ASH1L: variants seen among roughly 807,000 people sequenced by gnomAD.
ASH1L encodes ASH1 like histone lysine methyltransferase.
Under a neutral mutation model 269.0 loss-of-function variants are expected in ASH1L, and 23 were observed. That is an observed-to-expected ratio of 0.09 (90% CI 0.06 to 0.12). The LOEUF is 0.12. Among genes scored for constraint, ASH1L ranks in the 10% least tolerant of loss-of-function variants. The probability of loss-of-function intolerance (pLI) is 1.00; values close to 1 mark genes in which losing one functional copy is unlikely to be tolerated. For synonymous variants in ASH1L, 1,187 were observed against 1,253.5 expected, an observed-to-expected ratio of 0.95 and a Z score of 1.12; for missense variants, 2,912 against 3,567.8, an observed-to-expected ratio of 0.82 and a Z score of 4.68.
intron 6 of ASH1L, among the ~76,000 whole-genome samples, chr1:155,411,769 T>C (rs918418510): frequency 6.6e-6 from 1 of 150,428 alleles, no homozygotes; most frequent in African/African-American, 2.4e-5. Context: ...GACTCTAATC[T>C]GATTCTGGGC....
At chr1:155,348,197 T>C (rs183449348) in intron 19 of ASH1L, among the ~76,000 whole-genome samples, 21 of 152,294 alleles carry the variant, frequency 1.4e-4, no homozygotes, top group Admixed American at 5.2e-4. Context: ...GAAATATGAA[T>C]TGATATCACA....
At chr1:155,371,262 A>C (rs1460865300) in intron 10 of ASH1L, among the ~76,000 whole-genome samples, 1 of 152,226 alleles carries the variant, frequency 6.6e-6, no homozygotes, top group Non-Finnish European at 1.5e-5. Context: ...TATTCCAAGA[A>C]TAAGGCTGGG....
At chr1:155,467,412 T>C (rs1461675972) in intron 3 of ASH1L, among the ~76,000 whole-genome samples, 2 of 152,238 alleles carry the variant, frequency 1.3e-5, no homozygotes, top group Non-Finnish European at 2.9e-5. Flanking sequence ...ATCAAGCTGA[T>C]TTTATAGCTG....
intron 3 of ASH1L, among the ~76,000 whole-genome samples, chr1:155,467,974 A>C (rs535767330): frequency 6.6e-5 from 10 of 152,268 alleles, no homozygotes; most frequent in African/African-American, 2.2e-4. Flanking sequence ...ACTACAGTAC[A>C]TTTGTCACAA....
chr1:155,447,728 A>C (rs1240290956), intron 4 of ASH1L, among the ~76,000 whole-genome samples: 1 of 152,150 alleles, frequency 6.6e-6, no homozygotes, highest in East Asian at 1.9e-4. Context: ...TTTTACCTAT[A>C]GAGTGGTTTG....
chr1:155,521,443 A>T lies in ASH1L; in HGVS notation c.77T>A (p.Ile26Asn). Residue 26 changes from isoleucine to asparagine, a missense_variant, in exon 2 of 28, where the codon ATC becomes AAC. Ile to Asn is a moderately radical substitution (Grantham distance 149). Around this residue, in one of 13 missense-constraint regions of ASH1L, gnomAD observed 115 missense variants for 101.5 expected, o/e 1.13. Coordinates refer to ENST00000392403, the MANE Select transcript of ASH1L (RefSeq NM_018489.3). ...EGFSRKSPSA[I>N]STGTLVSKRE... ...CTTACTGACCAATGTGCCAGTACTG[A>T]TGGCAGAAGGACTCTTTCTTGAAAA... 6.2e-7 allele frequency: 1 copy of T among 1,613,822 alleles called. No individual in the cohort carries two copies. Among genetic ancestry groups the T allele is most frequent in the Non-Finnish European group, 8.5e-7 (1 of 1,179,810 alleles).
chr1:155,503,016 GGCTTATAATTTTCA>G (rs1667609844), intron 2 of ASH1L, among the ~76,000 whole-genome samples: 1 of 152,076 alleles, frequency 6.6e-6, no homozygotes, highest in African/African-American at 2.4e-5. Context: ...CCCCTGCCTT[GGCTTATAATTTTCA>G]GCATCTGCTT....
At chr1:155,441,765 CTTT>C (rs543915802) in intron 4 of ASH1L, among the ~76,000 whole-genome samples, 11 of 125,428 alleles carry the variant, frequency 8.8e-5, no homozygotes, top group Admixed American at 1.6e-4. Context: ...TGCGCCTGGC[CTTT>C]TTTTTTTTTT....
chr1:155,433,458 C>T, intron 5 of ASH1L: 1 of 1,610,528 alleles, frequency 6.2e-7, no homozygotes, highest in Non-Finnish European at 8.5e-7. Flanking sequence ...TTGGAGACCT[C>T]TCAGCCTGAG....
chr1:155,405,508 C>T (rs1489102573), intron 6 of ASH1L, among the ~76,000 whole-genome samples: 1 of 151,806 alleles, frequency 6.6e-6, no homozygotes, highest in Non-Finnish European at 1.5e-5. Context: ...AAAACAACAA[C>T]AACAAACACT....
rs1660166131 is a variant in ASH1L at position 155,415,866 on chromosome 1, A to G, written c.5886T>C (p.Ser1962=). ...CAGGCTGCAAGGTACTTTCAGGTTCAGAAGGTTTAGCTGGGGTTTCAGAAG... is the reference window on the plus strand; with the variant it reads ...CAGGCTGCAAGGTACTTTCAGGTTCGGAAGGTTTAGCTGGGGTTTCAGAAG... The part of the protein sequence containing the change: ...PSPSETPAKP[S]EPESTLQPVL... The change falls in exon 6 of 28, where the codon TCT becomes TCC. Residue 1962 remains serine, a synonymous_variant. Transcript: ENST00000392403. 1.2e-6 allele frequency: 2 copies of G among 1,613,578 alleles called. No individual in the cohort carries two copies. The highest frequency in any genetic ancestry group is 2.2e-5 in the East Asian group (1 of 44,856).
At chr1:155,488,030 G>A (rs940256895) in intron 2 of ASH1L, among the ~76,000 whole-genome samples, 15 of 151,978 alleles carry the variant, frequency 9.9e-5, no homozygotes, top group Admixed American at 8.5e-4. Flanking sequence ...GGGATTACAG[G>A]AGCCCGCCAG....
intron 10 of ASH1L, among the ~76,000 whole-genome samples, chr1:155,372,162 T>C (rs1242020394): frequency 3.3e-5 from 5 of 151,724 alleles, no homozygotes; most frequent in African/African-American, 1.2e-4. Flanking sequence ...CGGGTAATTT[T>C]TGTATTTTTA....
intron 2 of ASH1L, among the ~76,000 whole-genome samples, chr1:155,490,699 G>A (rs1666715906): frequency 6.6e-5 from 10 of 151,284 alleles, no homozygotes; most frequent in Admixed American, 6.6e-4. Flanking sequence ...GCTCACACCT[G>A]TAATCCCAAC....
intron 2 of ASH1L, among the ~76,000 whole-genome samples, chr1:155,507,216 G>A (rs2148810030): frequency 6.6e-6 from 1 of 151,114 alleles, no homozygotes; most frequent in South Asian, 2.1e-4. Flanking sequence ...GGAGGTGGAG[G>A]TTGCGGTGTG....
intron 6 of ASH1L, among the ~76,000 whole-genome samples, chr1:155,413,375 G>T (rs1659955312): frequency 6.6e-6 from 1 of 152,170 alleles, no homozygotes. Flanking sequence ...GGAGGCAGAG[G>T]AGGGCGGATC....
In ASH1L at chr1:155,481,526, TTCC is replaced by T; in HGVS notation, c.1341_1343del (p.Glu448del). 6.2e-7 allele frequency: 1 copy of T among 1,614,146 alleles called. No individual in the cohort carries two copies. Among genetic ancestry groups the T allele is most frequent in the African/African-American group, 1.3e-5 (1 of 75,046 alleles). ...TCAGGGATTCAGAAAGTTCCTGACT[TTCC>T]TGATTATTGATGTTTGTACTACAAG... On this transcript the variant is annotated inframe_deletion, in exon 3 of 28. Transcript: ENST00000392403.
chr1:155,532,822 CAA>C (rs532961658), intron 1 of ASH1L, among the ~76,000 whole-genome samples: 4 of 67,996 alleles, frequency 5.9e-5, no homozygotes, highest in Admixed American at 1.7e-4. Flanking sequence ...GACTCTGTCT[CAA>C]AAAAAAAAAA....
At chr1:155,561,842 G>C (rs1278257947) in intron 1 of ASH1L, among the ~76,000 whole-genome samples, 1 of 149,590 alleles carries the variant, frequency 6.7e-6, no homozygotes, top group Non-Finnish European at 1.5e-5. Flanking sequence ...ACACAAACTG[G>C]ACTATGGGGG....
Sources: gnomAD v4.1 joint callset for allele counts (sites outside exome capture counted in the v4.1 genomes callset) on GRCh38, gnomAD v4.1.1 for gene constraint, gnomAD v4.1.1 regional missense constraint, MANE v1.5 for transcripts, NCBI Gene and HGNC (gene_info 2026-07-23, HGNC 2026-07-21) for gene names.